The following ABCD3 variants were observed in gnomAD, a reference collection of about 807,000 sequenced individuals.
ABCD3 encodes the protein ATP binding cassette subfamily D member 3, also known as ATP-binding cassette sub-family D member 3.
Under a neutral mutation model 105.5 loss-of-function variants are expected in ABCD3, and 41 were observed. That is an observed-to-expected ratio of 0.39 (90% CI 0.30 to 0.50). The LOEUF (loss-of-function observed/expected upper bound fraction) is 0.50, where lower values mean the gene tolerates loss of function less well. ABCD3 is among the 20% of genes least tolerant of loss of function. The pLI is 0.84. For synonymous variants in ABCD3, 258 were observed against 269.0 expected, an observed-to-expected ratio of 0.96 and a Z score of 0.40; for missense variants, 622 against 806.3, an observed-to-expected ratio of 0.77 and a Z score of 2.77.
chr1:94,517,103 G>A lies in ABCD3; in HGVS notation c.1954G>A (p.Glu652Lys). 6.2e-7 allele frequency: 1 copy of A among 1,610,368 alleles called. No homozygotes were observed. The highest frequency in any genetic ancestry group is 8.5e-7 in the Non-Finnish European group (1 of 1,177,270). The change falls in exon 23 of 23, where the codon GAA becomes AAA. Residue 652 changes from glutamate to lysine, a missense_variant. Around this residue, in one of 4 missense-constraint regions of ABCD3, gnomAD observed 285 missense variants for 352.5 expected, o/e 0.81. Coordinates refer to ENST00000370214, the MANE Select transcript of ABCD3 (RefSeq NM_002858.4). ...CAACTATGAATTCAAACAGATAACA[G>A]AAGATACAGTTGAGTTTGGCTCTTA... is the stretch of plus-strand genomic sequence containing the variant. The part of the protein sequence containing the change: ...RGNYEFKQIT[E>K]DTVEFGS
chr1:94,509,231 C>T (rs968738163), intron 21 of ABCD3, among the ~76,000 whole-genome samples: 2 of 152,178 alleles, frequency 1.3e-5, no homozygotes, highest in Non-Finnish European at 2.9e-5. Context: ...TTTTCTGCAT[C>T]TATTGAGATA....
intron 2 of ABCD3, 91 bp downstream of exon 2, chr1:94,458,734 A>G: frequency 7.7e-7 from 1 of 1,303,944 alleles, no homozygotes; most frequent in Middle Eastern, 2.2e-4. Context: ...AAATTTTATA[A>G]TTAGTAGGGA....
At position 94,483,218 on chromosome 1, in the gene ABCD3, C is replaced by T. The variant is rs780508538; in HGVS notation, c.876C>T (p.Val292=). 3 of 1,613,156 alleles carry T rather than the reference C, an allele frequency of 1.9e-6. No homozygotes were observed. The South Asian group carries it at 3.3e-5, about 18-fold the overall frequency. The change falls in exon 10 of 23, where the codon GTC becomes GTT. Residue 292 remains valine, a synonymous_variant. Transcript: ENST00000370214. ...GGAATAAAAGAGAAAAGCAGACAGT[C>T]CACTCAGTCTTCCGAAAACTGGTAA... ...YNGNKREKQT[V]HSVFRKLVEH...
At chr1:94,403,053 G>A in the ABCD3 span, among the ~76,000 whole-genome samples, 1 of 148,488 alleles carries the variant, frequency 6.7e-6, no homozygotes, top group Non-Finnish European at 1.5e-5. Context: ...AATATGCGGT[G>A]TTTGGTTTTT....
intron 16 of ABCD3, among the ~76,000 whole-genome samples, chr1:94,492,922 A>C (rs1390583101): frequency 2.6e-5 from 4 of 152,168 alleles, no homozygotes; most frequent in African/African-American, 9.7e-5. Context: ...TTTTCTTTTA[A>C]AGCCCTTATG....
chr1:94,472,946 A>G (rs887171090), intron 4 of ABCD3, among the ~76,000 whole-genome samples: 6 of 152,242 alleles, frequency 3.9e-5, no homozygotes, highest in African/African-American at 1.2e-4. Flanking sequence ...CTTTACTTAT[A>G]TAATACTGCT....
chr1:94,427,949 T>A (rs1015354925), intron 1 of ABCD3, among the ~76,000 whole-genome samples: 2 of 152,242 alleles, frequency 1.3e-5, no homozygotes, highest in Admixed American at 6.5e-5. Context: ...AATATAGCCT[T>A]CTATAAAGTT....
At chr1:94,514,949 A>T in intron 21 of ABCD3, 197 bp from the exon 22 acceptor site, 1 of 548,156 alleles carries the variant, frequency 1.8e-6, no homozygotes, top group Non-Finnish European at 3.3e-6. Context: ...AGTACCTGGT[A>T]GTTTTTATTA....
chr1:94,395,986 A>G, the ABCD3 span, among the ~76,000 whole-genome samples: 2 of 152,120 alleles, frequency 1.3e-5, no homozygotes, highest in Non-Finnish European at 2.9e-5. Context: ...TCCAATCTTT[A>G]AACCTGGAAA....
chr1:94,448,197 T>A (rs1363194020), intron 1 of ABCD3, among the ~76,000 whole-genome samples: 2 of 152,146 alleles, frequency 1.3e-5, no homozygotes, highest in Non-Finnish European at 2.9e-5. Context: ...ATTGCTACTA[T>A]GATAGGAAAC....
At chr1:94,401,184 T>C in the ABCD3 span, among the ~76,000 whole-genome samples, 1 of 152,212 alleles carries the variant, frequency 6.6e-6, no homozygotes, top group African/African-American at 2.4e-5. Flanking sequence ...CAAAAACGGA[T>C]TAAGAACATG....
chr1:94,498,930 C>A lies in ABCD3; in HGVS notation c.1531-15C>A. On this transcript the variant is annotated splice_polypyrimidine_tract_variant and intron_variant, in intron 18 of 22. Transcript: ENST00000370214. ...TCATGTTGCTTCTAATTGACTTTTGCTCTACTACTGTCAGAGACCTTACAT... is the reference window on the plus strand; with the variant it reads ...TCATGTTGCTTCTAATTGACTTTTGATCTACTACTGTCAGAGACCTTACAT... 1 of 1,612,402 alleles carries A rather than the reference C, an allele frequency of 6.2e-7. No individual in the cohort carries two copies.
At chr1:94,460,926 G>C (rs1446592292) in intron 2 of ABCD3, among the ~76,000 whole-genome samples, 2 of 151,930 alleles carry the variant, frequency 1.3e-5, no homozygotes, top group African/African-American at 4.8e-5. Context: ...TTGCATATTG[G>C]ATATCTGCAA....
chr1:94,453,271 T>G (rs1397649534), intron 1 of ABCD3, among the ~76,000 whole-genome samples: 2 of 152,092 alleles, frequency 1.3e-5, no homozygotes, highest in African/African-American at 4.8e-5. Flanking sequence ...ATAATTTCAG[T>G]TTTTCAGTCT....
intron 1 of ABCD3, among the ~76,000 whole-genome samples, chr1:94,447,533 G>A (rs976601704): frequency 6.6e-6 from 1 of 152,228 alleles, no homozygotes; most frequent in Non-Finnish European, 1.5e-5. Flanking sequence ...ATTGGAAAGT[G>A]TTGCCACAGG....
At position 94,504,628 on chromosome 1, in the gene ABCD3, G is replaced by T. The variant is rs182755371; in HGVS notation, c.1741-1910G>T. 2.6e-5 allele frequency among the ~76,000 whole-genome samples: 4 copies of T among 152,298 alleles called. No individual in the cohort carries two copies. In the East Asian group the frequency reaches 7.7e-4, roughly 29 times the overall value. The stretch of plus-strand genomic sequence containing the variant: ...TTGGCTAGAATGTTGGGGTTAGAGC[G>T]TGAGTAGAAATAAGATTGTGCAGGT... On this transcript the variant is annotated intron_variant, in intron 20 of 22. Coordinates refer to ENST00000370214, the MANE Select transcript of ABCD3 (RefSeq NM_002858.4).
chr1:94,421,562 A>ATTG (rs1553167239), intron 1 of ABCD3, among the ~76,000 whole-genome samples: 1 of 148,928 alleles, frequency 6.7e-6, no homozygotes, highest in Admixed American at 6.7e-5. Flanking sequence ...GAGCTATAAG[A>ATTG]TGTGTGTGTG....
chr1:94,454,930 G>A (rs1474948081), intron 1 of ABCD3, among the ~76,000 whole-genome samples: 5 of 152,204 alleles, frequency 3.3e-5, no homozygotes, highest in South Asian at 2.1e-4. Flanking sequence ...GGGATTACAG[G>A]CGTGAGCCAC....
chr1:94,460,098 A>T (rs1269138275), intron 2 of ABCD3, among the ~76,000 whole-genome samples: 1 of 152,064 alleles, frequency 6.6e-6, no homozygotes, highest in Non-Finnish European at 1.5e-5. Flanking sequence ...TTATGTAGAG[A>T]TATGTTTTTA....
Sources: gnomAD v4.1 joint callset for allele counts (sites outside exome capture counted in the v4.1 genomes callset) on GRCh38, gnomAD v4.1.1 for gene constraint, gnomAD v4.1.1 regional missense constraint, MANE v1.5 for transcripts, NCBI Gene and HGNC (gene_info 2026-07-23, HGNC 2026-07-21) for gene names.